The following PRKG2 variants were observed in gnomAD, a reference collection of about 807,000 sequenced individuals.
The protein encoded by PRKG2 is cGMP-dependent protein kinase 2.
PRKG2 carries 33 observed loss-of-function variants against 97.2 expected under a neutral mutation model. That is an observed-to-expected ratio of 0.34 (90% confidence interval 0.26 to 0.45). PRKG2 has a LOEUF of 0.45. PRKG2 is among the 20% of genes least tolerant of loss of function. The probability of loss-of-function intolerance (pLI) is 1.00; values close to 1 mark genes in which losing one functional copy is unlikely to be tolerated. For synonymous variants in PRKG2, 330 were observed against 321.8 expected (o/e 1.03, Z -0.27); for missense variants, 638 against 900.0 (o/e 0.71, Z 3.73).
chr4:81,179,045 A>G (rs1459345362), intron 2 of PRKG2, among the ~76,000 whole-genome samples: 1 of 152,018 alleles, frequency 6.6e-6, no homozygotes, highest in Non-Finnish European at 1.5e-5. Flanking sequence ...GAATTGCTTG[A>G]ACCCGGGAGG....
chr4:81,097,067 T>C (rs1742187410), intron 17 of PRKG2, among the ~76,000 whole-genome samples: 1 of 152,062 alleles, frequency 6.6e-6, no homozygotes, highest in African/African-American at 2.4e-5. Flanking sequence ...AACAAGACTT[T>C]AAATTCATCA....
At chr4:81,188,464 G>C (rs1245147919) in intron 2 of PRKG2, among the ~76,000 whole-genome samples, 3 of 144,234 alleles carry the variant, frequency 2.1e-5, no homozygotes, top group Non-Finnish European at 4.4e-5. Flanking sequence ...AGTCAGTGTG[G>C]TGATTCCTTA....
In PRKG2 at chr4:81,105,825, C is replaced by A. The variant is rs753582287; in HGVS notation, c.2051G>T (p.Arg684Leu). ...KITRRPEDLI[R>L]RLCRQNPTER... ...CTGTCATTCTCACCTGCAAAGCCTC[C>A]GAATCAAATCCTCAGGTCGTCGTGT... Residue 684 changes from arginine (R) to leucine (L), a missense_variant, in exon 16 of 19, where the codon CGG (arginine) becomes CTG (leucine). By Grantham distance (102) the Arg-to-Leu change is moderately radical. Coordinates refer to ENST00000264399, the MANE Select transcript of PRKG2 (RefSeq NM_006259.3). 4 of 1,613,736 alleles carry A rather than the reference C, an allele frequency of 2.5e-6. No individual in the cohort carries two copies. Among genetic ancestry groups the A allele is most frequent in the Non-Finnish European group, 3.4e-6 (4 of 1,179,752 alleles).
At chr4:81,206,338 A>T (rs1340551924) in intron 1 of PRKG2, among the ~76,000 whole-genome samples, 1 of 152,156 alleles carries the variant, frequency 6.6e-6, no homozygotes, top group Non-Finnish European at 1.5e-5. Flanking sequence ...GAGGGACCCA[A>T]TGGGAGCTAA....
chr4:81,092,303 A>G lies in PRKG2; in HGVS notation c.2193+83T>C, dbSNP rs115558503. 1.3e-3 allele frequency: 1,049 copies of G among 823,534 alleles called. 6 individuals are homozygous for G. In the African/African-American group the frequency reaches 0.017, roughly 14 times the overall value. The allele number at this position is 823,534 out of a possible 1,614,324, so 51.0% of individuals were successfully genotyped here. ...AAAACACCCAAAATCTGTTATGGGC[A>G]TATACATACACACATCTAAAATCTG... On this transcript the variant is annotated intron_variant, in intron 18 of 18. Coordinates refer to ENST00000264399, the MANE Select transcript of PRKG2 (RefSeq NM_006259.3).
At chr4:81,132,090 A>G (rs1331200213) in intron 14 of PRKG2, among the ~76,000 whole-genome samples, 1 of 151,876 alleles carries the variant, frequency 6.6e-6, no homozygotes, top group Admixed American at 6.6e-5. Flanking sequence ...TTTTTCAGTG[A>G]TATTTTGTGG....
chr4:81,114,269 A>G (rs1042387434), intron 14 of PRKG2, among the ~76,000 whole-genome samples: 1 of 152,000 alleles, frequency 6.6e-6, no homozygotes, highest in Non-Finnish European at 1.5e-5. Context: ...TGTATCCTAT[A>G]CATTTTGTAC....
rs1422157793 is a variant in PRKG2, at chr4:81,089,766, T to C, written c.2231A>G (p.Tyr744Cys). The change falls in exon 19 of 19, where the codon TAT (tyrosine) becomes TGT (cysteine). Residue 744 changes from tyrosine to cysteine, a missense_variant. Physicochemically the swap from Tyr to Cys is radical, Grantham distance 194. Transcript: ENST00000264399. ...GPIDHSYFDK[Y>C]PPEKGMPPDE... ...TGGAGGCATTCCCTTTTCAGGAGGA[T>C]ATTTGTCAAAGTAGCTGTGATCTAT... The C allele has an allele frequency of 6.2e-7, 1 of 1,613,010 alleles. No homozygotes were observed. Among genetic ancestry groups the C allele is most frequent in the Non-Finnish European group, 8.5e-7 (1 of 1,179,088 alleles).
At chr4:81,180,146 TTAAA>T (rs975311693) in intron 2 of PRKG2, among the ~76,000 whole-genome samples, 2 of 150,636 alleles carry the variant, frequency 1.3e-5, no homozygotes, top group African/African-American at 4.9e-5. Flanking sequence ...AAAAATAAAA[TTAAA>T]TAAATAAATA....
At chr4:81,107,758 G>A (rs918061876) in intron 15 of PRKG2, among the ~76,000 whole-genome samples, 10 of 152,016 alleles carry the variant, frequency 6.6e-5, no homozygotes, top group Non-Finnish European at 1.0e-4. Context: ...TGATCCGCCC[G>A]CCTCAGCCTC....
At chr4:81,108,912 A>T (rs977905487) in intron 15 of PRKG2, among the ~76,000 whole-genome samples, 4 of 152,030 alleles carry the variant, frequency 2.6e-5, no homozygotes, top group Non-Finnish European at 4.4e-5. Flanking sequence ...ACAAAACAAA[A>T]CAATTTCTCA....
At chr4:81,212,163 C>CTTGT (rs1754011583) in intron 1 of PRKG2, among the ~76,000 whole-genome samples, 3 of 152,248 alleles carry the variant, frequency 2.0e-5, no homozygotes, top group Non-Finnish European at 4.4e-5. Context: ...GAATCTACTG[C>CTTGT]TTGTTTTCTC....
At chr4:81,100,129 C>T (rs549016852) in intron 17 of PRKG2, among the ~76,000 whole-genome samples, 1 of 151,576 alleles carries the variant, frequency 6.6e-6, no homozygotes, top group South Asian at 2.1e-4. Flanking sequence ...GTGAAAATGG[C>T]CATACTGCCC....
rs774332995 is a variant in PRKG2, at chr4:81,142,941, G to A, written c.1260C>T (p.Ser420=). ...CTTTGGACAGCTTCCAGTTAGACATGGACCGCCTGTACAAGAGAAGTGAAA... is the reference window on the plus strand; with the variant it reads ...CTTTGGACAGCTTCCAGTTAGACATAGACCGCCTGTACAAGAGAAGTGAAA... ...RDDEKRHAKR[S]MSNWKLSKAL... Residue 420 remains serine (S), a synonymous_variant, in exon 11 of 19, where the codon TCC becomes TCT. Coordinates refer to ENST00000264399, the MANE Select transcript of PRKG2 (RefSeq NM_006259.3). 10 of 1,607,922 alleles carry A rather than the reference G, an allele frequency of 6.2e-6. No individual in the cohort carries two copies. Among genetic ancestry groups the A allele is most frequent in the Admixed American group, 5.0e-5 (3 of 59,676 alleles).
chr4:81,101,947 G>A lies in PRKG2; in HGVS notation c.2126+2423C>T, dbSNP rs533717920. Among the ~76,000 whole-genome samples the A allele has an allele frequency of 1.1e-4, 16 of 152,198 alleles. 1 individual carries two copies. The highest frequency in any genetic ancestry group is 3.9e-4 in the African/African-American group (16 of 41,552). ...GGAAGGTTTTTAAACACTCCCATTTGGAGAGAAAGATCAAGTTTTCTGATG... is the reference window on the plus strand; with the variant it reads ...GGAAGGTTTTTAAACACTCCCATTTAGAGAGAAAGATCAAGTTTTCTGATG... On this transcript the variant is annotated intron_variant, in intron 17 of 18. Coordinates refer to ENST00000264399, the MANE Select transcript of PRKG2 (RefSeq NM_006259.3).
intron 18 of PRKG2, among the ~76,000 whole-genome samples, chr4:81,091,234 T>C (rs957707286): frequency 6.6e-6 from 1 of 152,290 alleles, no homozygotes; most frequent in East Asian, 1.9e-4. Context: ...ATTTAGATTA[T>C]AGTAGACATG....
At chr4:81,176,537 A>T (rs984905906) in intron 2 of PRKG2, among the ~76,000 whole-genome samples, 2 of 152,224 alleles carry the variant, frequency 1.3e-5, no homozygotes, top group Non-Finnish European at 2.9e-5. Context: ...AACAATATCA[A>T]GAAGCTCCAG....
rs1488705691 is a variant in PRKG2 at position 81,089,470 on chromosome 4, C to A, written c.*238G>T. On this transcript the variant is annotated 3_prime_UTR_variant, in exon 19 of 19. Transcript: ENST00000264399. ...ATTGTGGAAAGGAAAATGGGGTAGC[C>A]TCTAGCAGTTGAGAAAAGCAAATAA... 5.2e-6 allele frequency: 2 copies of A among 381,390 alleles called. No individual in the cohort carries two copies. 23.6% of individuals were successfully genotyped at this position (381,390 alleles called of 1,614,324 possible).
In PRKG2 at chr4:81,153,707, T is replaced by C. The variant is rs771347096; in HGVS notation, c.927A>G (p.Lys309=). ...IDCLEVEYYD[K]GDYIIREGEE... The stretch of plus-strand genomic sequence containing the variant: ...CGCCCTCTCTAATGATGTAATCTCC[T>C]TTGTCATAGTATTCCTGTTGGGATG... Residue 309 remains lysine (K), a synonymous_variant, in exon 7 of 19, where the codon AAA becomes AAG. Transcript: ENST00000264399. 3 of 1,606,096 alleles carry C rather than the reference T, an allele frequency of 1.9e-6. No individual in the cohort carries two copies. Among genetic ancestry groups the C allele is most frequent in the East Asian group, 4.5e-5 (2 of 44,848 alleles).
Sources: allele counts gnomAD v4.1 joint callset (sites outside exome capture counted in the v4.1 genomes callset), GRCh38; gene constraint gnomAD v4.1.1; transcripts MANE v1.5; gene names NCBI Gene and HGNC (gene_info 2026-07-23, HGNC 2026-07-21).